Variants in RAB11B observed in about 807,000 individuals in gnomAD.
The protein encoded by RAB11B is RAB11B, member RAS oncogene family, also known as ras-related protein Rab-11B.
RAB11B carries 7 observed loss-of-function variants against 23.7 expected under a neutral mutation model. The ratio of observed to expected loss-of-function variants is 0.29; its 90% confidence interval spans 0.17 to 0.55. RAB11B has a LOEUF of 0.55. RAB11B is among the 20% of genes least tolerant of loss of function. The pLI is 0.93. For synonymous variants in RAB11B, 138 were observed against 132.0 expected (o/e 1.05, Z -0.31); for missense variants, 189 against 320.0 (o/e 0.59, Z 3.12).
Position 8,396,089 on chromosome 19 carries a change from G to C in RAB11B, c.41-3774G>C, listed in dbSNP as rs1346434810. On this transcript the variant is annotated intron_variant, in intron 1 of 4. Coordinates refer to ENST00000328024, the MANE Select transcript of RAB11B (RefSeq NM_004218.4). The surrounding 1 kb of genome is among the most constrained non-coding windows in gnomAD (Gnocchi z 5.0). ...CATCTGTAAAAATGGGCTACAGGAG[G>C]CTTCTGCGAAGTAACGCACATCAAG... 6.6e-6 allele frequency among the ~76,000 whole-genome samples: 1 copy of C among 152,200 alleles called. No homozygotes were observed. The highest frequency in any genetic ancestry group is 2.4e-5 in the African/African-American group (1 of 41,446).
chr19:8,399,775 G>T, intron 1 of RAB11B, 88 bp from the exon 2 acceptor site: 1 of 1,479,764 alleles, frequency 6.8e-7, no homozygotes, highest in Non-Finnish European at 9.3e-7. Flanking sequence ...AGCCGCGTTG[G>T]TGCAGCACCC....
Position 8,402,290 on chromosome 19 carries a change from GGA to G in RAB11B, c.430+14_430+15del. ...CCCGCGCCTTCGCAGGTGAGCAGAC[GGA>G]GACGCAGGCATCAGAGAGGTGTCTG... On this transcript the variant is annotated intron_variant, in intron 3 of 4. Coordinates refer to ENST00000328024, the MANE Select transcript of RAB11B (RefSeq NM_004218.4). The G allele has an allele frequency of 6.5e-7, 1 of 1,548,562 alleles. No homozygotes were observed. The highest frequency in any genetic ancestry group is 8.7e-7 in the Non-Finnish European group (1 of 1,146,060).
Position 8,400,030 on chromosome 19 carries a change from C to T in RAB11B, c.208C>T (p.Gln70Ter). 2 of 1,614,076 alleles carry T rather than the reference C, an allele frequency of 1.2e-6. No homozygotes were observed. The highest frequency in any genetic ancestry group is 8.5e-7 in the Non-Finnish European group (1 of 1,179,946). The change falls in exon 2 of 5, where the codon CAG becomes TAG. Residue 70 changes from glutamine to a stop codon, truncating the protein, a stop_gained. Transcript: ENST00000328024. LOFTEE classifies it high-confidence loss of function. ...IKAQIWDTAG[Q>*]ERYRAITSAY... Reference sequence around the variant, plus strand: ...GGCGCAGATCTGGGACACCGCTGGCCAGGAGCGCTACCGCGCCATCACCTC... The same window carrying T: ...GGCGCAGATCTGGGACACCGCTGGCTAGGAGCGCTACCGCGCCATCACCTC...
At chr19:8,395,277 T>C (rs1358015410) in intron 1 of RAB11B, among the ~76,000 whole-genome samples, 2 of 147,892 alleles carry the variant, frequency 1.4e-5, no homozygotes, top group Admixed American at 6.7e-5. Context: ...CTTTCTTTTT[T>C]TTTTTTTTTT....
chr19:8,400,441 G>A, intron 2 of RAB11B: 1 of 251,420 alleles, frequency 4.0e-6, no homozygotes, highest in Middle Eastern at 1.5e-3. Flanking sequence ...CCCTGCAAAG[G>A]CTTCCCAGCC....
At chr19:8,401,403 G>C (rs551792318) in intron 2 of RAB11B, among the ~76,000 whole-genome samples, 2 of 150,484 alleles carry the variant, frequency 1.3e-5, no homozygotes, top group Non-Finnish European at 3.0e-5. Flanking sequence ...TTTTGAGATA[G>C]AGTCTCACTC....
At position 8,396,712 on chromosome 19, in the gene RAB11B, G is replaced by GGC. The variant is rs1467387620; in HGVS notation, c.41-3150_41-3149insCG. 6.8e-6 allele frequency among the ~76,000 whole-genome samples: 1 copy of GGC among 147,236 alleles called. No homozygotes were observed. The highest frequency in any genetic ancestry group is 2.5e-5 in the African/African-American group (1 of 39,370). ...GTGTGGCTGGAGCAGAGTGAGCCGG[G>GGC]GGGGGGGCGGGAGGGAGGAGGGGAG... is the stretch of plus-strand genomic sequence containing the variant. On this transcript the variant is annotated intron_variant, in intron 1 of 4. Transcript: ENST00000328024. The surrounding 1 kb of genome is among the most constrained non-coding windows in gnomAD (Gnocchi z 5.0).
chr19:8,402,487 A>G lies in RAB11B; in HGVS notation c.433A>G (p.Lys145Glu). Residue 145 changes from lysine to glutamate, a missense_variant and splice_region_variant, in exon 4 of 5, where the codon AAG (lysine) becomes GAG (glutamate). Lys to Glu is a moderately conservative substitution (Grantham distance 56). Around this residue, in one of 5 missense-constraint regions of RAB11B, gnomAD observed 122 missense variants for 170.8 expected, o/e 0.71. Transcript: ENST00000328024. The part of the protein sequence containing the change: ...PTDEARAFAE[K>E]NNLSFIETSA... Reference sequence around the variant, plus strand: ...CTAGGCAGTATTCTTTGTTCCAGAAAAGAACAACTTGTCCTTCATCGAGAC... The same window carrying G: ...CTAGGCAGTATTCTTTGTTCCAGAAGAGAACAACTTGTCCTTCATCGAGAC... The G allele has an allele frequency of 1.2e-6, 2 of 1,613,210 alleles. No individual in the cohort carries two copies. The highest frequency in any genetic ancestry group is 1.7e-6 in the Non-Finnish European group (2 of 1,179,164).
In RAB11B at chr19:8,390,372, T is replaced by C; in HGVS notation, c.-45T>C. The C allele has an allele frequency of 6.6e-7, 1 of 1,509,850 alleles. No individual in the cohort carries two copies. The highest frequency in any genetic ancestry group is 8.8e-7 in the Non-Finnish European group (1 of 1,131,436). The allele number at this position is 1,509,850 out of a possible 1,614,324, so 93.5% of individuals were successfully genotyped here. ...CGGCTCCGCCCCCGTCGGGTGTTTG[T>C]GGTGGGGCTGCGGAGTCGCCGATCC... On this transcript the variant is annotated 5_prime_UTR_variant, in exon 1 of 5. Transcript: ENST00000328024.
intron 1 of RAB11B, among the ~76,000 whole-genome samples, chr19:8,399,240 A>G (rs1337068730): frequency 1.3e-5 from 2 of 151,986 alleles, no homozygotes; most frequent in Non-Finnish European, 2.9e-5. Context: ...GGTGTGAGCC[A>G]CCGCGCCCGG....
intron 2 of RAB11B, among the ~76,000 whole-genome samples, chr19:8,400,590 GT>G (rs71175848): frequency 0.99 from 139,154 of 140,676 alleles, 68,823 homozygotes; most frequent in Middle Eastern, 1. Flanking sequence ...ACCTCCTCTT[GT>G]TTTTTTTTTT....
Position 8,396,713 on chromosome 19 carries a change from G to A in RAB11B, c.41-3150G>A, listed in dbSNP as rs1317903337. On this transcript the variant is annotated intron_variant, in intron 1 of 4. Transcript: ENST00000328024. This position sits in a 1 kb window ranked among gnomAD's most constrained non-coding sequence, Gnocchi z 5.0. ...TGTGGCTGGAGCAGAGTGAGCCGGG[G>A]GGGGGGCGGGAGGGAGGAGGGGAGG... Among the ~76,000 whole-genome samples, 8 of 147,254 alleles carry A rather than the reference G, an allele frequency of 5.4e-5. No individual in the cohort carries two copies. The highest frequency in any genetic ancestry group is 2.3e-4 in the South Asian group (1 of 4,436).
Position 8,403,610 on chromosome 19 carries a change from C to T in RAB11B, c.*52C>T, listed in dbSNP as rs373537972. 5.8e-4 allele frequency: 911 copies of T among 1,570,590 alleles called. 2 individuals are homozygous for T. Among genetic ancestry groups the T allele is most frequent in the Non-Finnish European group, 6.0e-4 (691 of 1,154,674 alleles). ...GCACGTCCTCCGCCCGCCCCCGCCA[C>T]GGTATCCTCTGGCCCCTCCCTGCTG... On this transcript the variant is annotated 3_prime_UTR_variant, in exon 5 of 5. Coordinates refer to ENST00000328024, the MANE Select transcript of RAB11B (RefSeq NM_004218.4).
rs577144063 is a variant in RAB11B at position 8,398,950 on chromosome 19, A to G, written c.41-913A>G. On this transcript the variant is annotated intron_variant, in intron 1 of 4. Coordinates refer to ENST00000328024, the MANE Select transcript of RAB11B (RefSeq NM_004218.4). Reference sequence around the variant, plus strand: ...TAGCCACCACGCCCAGCTAATTATTATTATTATTATTTTTTTTTTTGAGAT... The same window carrying G: ...TAGCCACCACGCCCAGCTAATTATTGTTATTATTATTTTTTTTTTTGAGAT... Among the ~76,000 whole-genome samples, 4 of 124,672 alleles carry G rather than the reference A, an allele frequency of 3.2e-5. No individual in the cohort carries two copies. In the Admixed American group the frequency reaches 3.3e-4, roughly 10 times the overall value. 81.8% of individuals were successfully genotyped at this position (124,672 alleles called of 152,430 possible). A position where few individuals can be genotyped will look rare whatever the true frequency, so the allele number is the denominator to read the frequency against.
Position 8,402,483 on chromosome 19 carries a change from A to C in RAB11B, c.431-2A>C. ...TCACCTAGGCAGTATTCTTTGTTCCAGAAAAGAACAACTTGTCCTTCATCG... is the reference window on the plus strand; with the variant it reads ...TCACCTAGGCAGTATTCTTTGTTCCCGAAAAGAACAACTTGTCCTTCATCG... On this transcript the variant is annotated splice_acceptor_variant, in intron 3 of 4. Coordinates refer to ENST00000328024, the MANE Select transcript of RAB11B (RefSeq NM_004218.4). LOFTEE classifies it high-confidence loss of function. 6.2e-7 allele frequency: 1 copy of C among 1,612,930 alleles called. No individual in the cohort carries two copies. The highest frequency in any genetic ancestry group is 8.5e-7 in the Non-Finnish European group (1 of 1,178,936).
chr19:8,402,481 C>G lies in RAB11B; in HGVS notation c.431-4C>G, dbSNP rs201635393. On this transcript the variant is annotated splice_polypyrimidine_tract_variant and splice_region_variant and intron_variant, in intron 3 of 4. Coordinates refer to ENST00000328024, the MANE Select transcript of RAB11B (RefSeq NM_004218.4). Reference sequence around the variant, plus strand: ...ACTCACCTAGGCAGTATTCTTTGTTCCAGAAAAGAACAACTTGTCCTTCAT... The same window carrying G: ...ACTCACCTAGGCAGTATTCTTTGTTGCAGAAAAGAACAACTTGTCCTTCAT... The G allele has an allele frequency of 6.2e-7, 1 of 1,612,762 alleles. No homozygotes were observed. Among genetic ancestry groups the G allele is most frequent in the Non-Finnish European group, 8.5e-7 (1 of 1,178,812 alleles).
Position 8,390,512 on chromosome 19 carries a change from C to T in RAB11B, c.40+56C>T, listed in dbSNP as rs1599683094. The T allele has an allele frequency of 2.8e-6, 4 of 1,440,092 alleles. No individual in the cohort carries two copies. The East Asian group carries it at 1.1e-4, about 40-fold the overall frequency. The allele number at this position is 1,440,092 out of a possible 1,614,324, so 89.2% of individuals were successfully genotyped here. ...TCGTGGCGGCGAGGCGGCGGGCAGACGGGCCAAGGCCGCGCTCCAGGCCGC... is the reference window on the plus strand; with the variant it reads ...TCGTGGCGGCGAGGCGGCGGGCAGATGGGCCAAGGCCGCGCTCCAGGCCGC... On this transcript the variant is annotated intron_variant, in intron 1 of 4. Transcript: ENST00000328024.
chr19:8,396,710 G>GGC lies in RAB11B; in HGVS notation c.41-3152_41-3151insCG, dbSNP rs997905635. 9.0e-6 allele frequency among the ~76,000 whole-genome samples: 1 copy of GGC among 111,538 alleles called. No individual in the cohort carries two copies. Among genetic ancestry groups the GGC allele is most frequent in the African/African-American group, 3.9e-5 (1 of 25,522 alleles). 73.2% of individuals were successfully genotyped at this position (111,538 alleles called of 152,430 possible). On this transcript the variant is annotated intron_variant, in intron 1 of 4. Coordinates refer to ENST00000328024, the MANE Select transcript of RAB11B (RefSeq NM_004218.4). This position sits in a 1 kb window ranked among gnomAD's most constrained non-coding sequence, Gnocchi z 5.0. ...CTGTGTGGCTGGAGCAGAGTGAGCC[G>GGC]GGGGGGGGGCGGGAGGGAGGAGGGG...
chr19:8,403,396 CT>C lies in RAB11B; in HGVS notation c.512-16del, dbSNP rs1342778622. ...ACGTGCTGGCTCACCCCACGTCCCC[CT>C]GTACCCCCTTTGCAGAGATCTACCG... is the stretch of plus-strand genomic sequence containing the variant. On this transcript the variant is annotated splice_polypyrimidine_tract_variant and intron_variant, in intron 4 of 4. Transcript: ENST00000328024. The C allele has an allele frequency of 1.1e-5, 17 of 1,604,778 alleles. No individual in the cohort carries two copies. Among genetic ancestry groups the C allele is most frequent in the East Asian group, 2.2e-5 (1 of 44,584 alleles).
Sources: allele counts gnomAD v4.1 joint callset (sites outside exome capture counted in the v4.1 genomes callset), GRCh38; gene constraint gnomAD v4.1.1; regional missense constraint gnomAD v4.1.1; non-coding constraint Gnocchi (gnomAD v3.1); transcripts MANE v1.5; gene names NCBI Gene and HGNC (gene_info 2026-07-23, HGNC 2026-07-21).